The following WFDC11 variants were observed in gnomAD, a reference collection of about 807,000 sequenced individuals.
The protein encoded by WFDC11 is protein WFDC11.
In WFDC11, 9 loss-of-function variants were observed where a neutral mutation model predicts 9.9. That is an observed-to-expected ratio of 0.91 (90% CI 0.55 to 1.58). WFDC11 has a LOEUF of 1.58. WFDC11 is among the 40% of genes most tolerant of loss of function. The pLI, the probability that WFDC11 is intolerant of heterozygous loss-of-function variation, is 0.00. For missense variants in WFDC11, 106 were observed against 101.7 expected (o/e 1.04, Z -0.18); for synonymous variants, 32 against 33.3 (o/e 0.96, Z 0.13).
At chr20:45,659,481 CAT>C (rs1384606250) in intron 2 of WFDC11, among the ~76,000 whole-genome samples, 5 of 152,140 alleles carry the variant, frequency 3.3e-5, no homozygotes, top group Admixed American at 6.5e-5. Context: ...AGCTTTTTTT[CAT>C]ATGTTTGTTG....
intron 2 of WFDC11, among the ~76,000 whole-genome samples, chr20:45,665,780 C>T (rs921094515): frequency 6.6e-6 from 1 of 152,174 alleles, no homozygotes; most frequent in Admixed American, 6.5e-5. Context: ...CTGCCTGATC[C>T]TTCCTCTGGA....
chr20:45,661,737 G>T (rs1255311382), intron 2 of WFDC11, among the ~76,000 whole-genome samples: 1 of 152,050 alleles, frequency 6.6e-6, no homozygotes, highest in Non-Finnish European at 1.5e-5. Context: ...TAGATATGCG[G>T]CGTTATTACT....
intron 2 of WFDC11, among the ~76,000 whole-genome samples, chr20:45,651,189 T>C (rs1982797493): frequency 6.6e-6 from 1 of 152,224 alleles, no homozygotes; most frequent in Non-Finnish European, 1.5e-5. Flanking sequence ...AAAATTCTTT[T>C]TGAAAATGTA....
intron 1 of WFDC11, among the ~76,000 whole-genome samples, chr20:45,669,468 A>C (rs1336206403): frequency 2.0e-5 from 3 of 152,348 alleles, no homozygotes; most frequent in African/African-American, 2.4e-5. Flanking sequence ...AACAGTGTAC[A>C]TATCTTAATC....
At chr20:45,665,185 C>T (rs553036037) in intron 2 of WFDC11, among the ~76,000 whole-genome samples, 69 of 152,118 alleles carry the variant, frequency 4.5e-4, no homozygotes, top group African/African-American at 1.7e-3. Flanking sequence ...TCACTGATAC[C>T]CTTTCTTCCA....
chr20:45,654,188 A>C (rs1393414077), intron 2 of WFDC11, among the ~76,000 whole-genome samples: 1 of 152,114 alleles, frequency 6.6e-6, no homozygotes, highest in Non-Finnish European at 1.5e-5. Flanking sequence ...GAAGTAAAGC[A>C]CTCCTCAGCA....
At chr20:45,650,014 CA>C (rs1262498037) in intron 3 of WFDC11, among the ~76,000 whole-genome samples, 8 of 152,108 alleles carry the variant, frequency 5.3e-5, no homozygotes, top group African/African-American at 1.9e-4. Flanking sequence ...TAACTTTTCA[CA>C]TTCTGAAAGC....
intron 2 of WFDC11, among the ~76,000 whole-genome samples, chr20:45,663,250 T>G (rs1205013285): frequency 1.3e-5 from 2 of 152,238 alleles, no homozygotes; most frequent in Non-Finnish European, 2.9e-5. Context: ...TGTATTTCTG[T>G]GGGATTGGTG....
At chr20:45,661,125 G>C (rs1001829053) in intron 2 of WFDC11, among the ~76,000 whole-genome samples, 34 of 152,264 alleles carry the variant, frequency 2.2e-4, no homozygotes, top group African/African-American at 7.0e-4. Flanking sequence ...GGTGTGAGAT[G>C]GTATCCCATT....
At chr20:45,664,027 T>A (rs971387872) in intron 2 of WFDC11, among the ~76,000 whole-genome samples, 1 of 152,168 alleles carries the variant, frequency 6.6e-6, no homozygotes, top group Admixed American at 6.5e-5. Context: ...AGTGGGGTGT[T>A]AAAGTCTCCC....
intron 2 of WFDC11, among the ~76,000 whole-genome samples, chr20:45,658,997 A>C (rs890670048): frequency 6.6e-6 from 1 of 152,054 alleles, no homozygotes; most frequent in Non-Finnish European, 1.5e-5. Flanking sequence ...TTTGCTGAGA[A>C]TGATGGTTTC....
intron 2 of WFDC11, among the ~76,000 whole-genome samples, chr20:45,652,005 G>T (rs981435906): frequency 2.0e-5 from 3 of 152,324 alleles, no homozygotes; most frequent in African/African-American, 4.8e-5. Flanking sequence ...CTCCACCTCT[G>T]GGGGAGGGCA....
At chr20:45,664,012 T>C (rs778697149) in intron 2 of WFDC11, among the ~76,000 whole-genome samples, 10 of 152,194 alleles carry the variant, frequency 6.6e-5, no homozygotes, top group Non-Finnish European at 1.5e-4. Flanking sequence ...CTGTCTAATA[T>C]TGACAGTGGG....
At chr20:45,655,384 C>A (rs6065853) in intron 2 of WFDC11, among the ~76,000 whole-genome samples, 28,848 of 152,048 alleles carry the variant, frequency 0.19, 2,980 homozygotes, top group East Asian at 0.32. Context: ...ATTCAACAAC[C>A]CTTCATGCTA....
At chr20:45,655,483 A>T (rs1982908874) in intron 2 of WFDC11, among the ~76,000 whole-genome samples, 1 of 152,250 alleles carries the variant, frequency 6.6e-6, no homozygotes, top group Non-Finnish European at 1.5e-5. Context: ...ATCATACTGA[A>T]GGGGCAAAAA....
intron 3 of WFDC11, among the ~76,000 whole-genome samples, chr20:45,650,281 T>C (rs1362899066): frequency 6.6e-6 from 1 of 151,634 alleles, no homozygotes; most frequent in East Asian, 1.9e-4. Flanking sequence ...GAGAGAGAGA[T>C]AGACAGATAT....
chr20:45,651,255 T>G (rs6073833), intron 2 of WFDC11, among the ~76,000 whole-genome samples: 29,700 of 152,148 alleles, frequency 0.2, 3,198 homozygotes, highest in East Asian at 0.32. Flanking sequence ...ACCATATATA[T>G]AGAGAGGGTC....
intron 2 of WFDC11, among the ~76,000 whole-genome samples, chr20:45,661,738 C>T (rs1489232335): frequency 3.3e-4 from 50 of 152,040 alleles, no homozygotes; most frequent in African/African-American, 1.2e-3. Context: ...AGATATGCGG[C>T]GTTATTACTG....
At chr20:45,657,575 A>G (rs977090426) in intron 2 of WFDC11, among the ~76,000 whole-genome samples, 1 of 152,046 alleles carries the variant, frequency 6.6e-6, no homozygotes, top group African/African-American at 2.4e-5. Flanking sequence ...CTAAAACTTA[A>G]AGTATAATAA....
Sources: allele counts gnomAD v4.1 joint callset (sites outside exome capture counted in the v4.1 genomes callset), GRCh38; gene constraint gnomAD v4.1.1; transcripts MANE v1.5; gene names NCBI Gene and HGNC (gene_info 2026-07-23, HGNC 2026-07-21).